The following KANSL1 variants were observed in gnomAD, a reference collection of about 807,000 sequenced individuals.
The protein encoded by KANSL1 is MLL1/MLL complex subunit KANSL1.
Under a neutral mutation model 103.6 loss-of-function variants are expected in KANSL1, and 22 were observed. That is an observed-to-expected ratio of 0.21 (90% CI 0.15 to 0.30). KANSL1 has a LOEUF of 0.30. KANSL1 is among the 10% of genes least tolerant of loss of function. The pLI is 1.00. For missense variants in KANSL1, 1,337 were observed against 1,399.8 expected, an observed-to-expected ratio of 0.96 and a Z score of 0.72; for synonymous variants, 600 against 527.6, an observed-to-expected ratio of 1.14 and a Z score of -1.88.
At chr17:46,048,594 A>AC (rs979937157) in intron 7 of KANSL1, among the ~76,000 whole-genome samples, 1 of 151,760 alleles carries the variant, frequency 6.6e-6, no homozygotes, top group African/African-American at 2.4e-5. Context: ...AAAAACAAAA[A>AC]CCCACCAGTG....
chr17:46,161,921 G>A (rs1207616339), intron 2 of KANSL1, among the ~76,000 whole-genome samples: 3 of 152,214 alleles, frequency 2.0e-5, no homozygotes, highest in Admixed American at 2.0e-4. Context: ...TGCTTGCAGA[G>A]CAGACCCTAC....
chr17:46,170,605 A>G (rs2046233447), intron 2 of KANSL1: 1 of 499,030 alleles, frequency 2.0e-6, no homozygotes, highest in Non-Finnish European at 3.5e-6. Context: ...GATGTCTCCT[A>G]GTTATTTTTC....
At chr17:46,218,709 G>A (rs1272039682) in intron 1 of KANSL1, among the ~76,000 whole-genome samples, 1 of 151,950 alleles carries the variant, frequency 6.6e-6, no homozygotes, top group Non-Finnish European at 1.5e-5. Flanking sequence ...CTTGAACTCA[G>A]GAGACACAGG....
rs1343352402 is a variant in KANSL1, at chr17:46,171,882, T to C, written c.262A>G (p.Thr88Ala). The C allele has an allele frequency of 6.2e-7, 1 of 1,614,156 alleles. No homozygotes were observed. Among genetic ancestry groups the C allele is most frequent in the East Asian group, 2.2e-5 (1 of 44,906 alleles). ...AAAGACTCCTTTGAGGGAACAGATGTTACATCAGAGCAGAGATAAGATGCC... is the reference window on the plus strand; with the variant it reads ...AAAGACTCCTTTGAGGGAACAGATGCTACATCAGAGCAGAGATAAGATGCC... ...LVASYLCSDVTSVPSKESLKL... is the reference protein window; with the variant it reads ...LVASYLCSDVASVPSKESLKL... Residue 88 changes from threonine to alanine, a missense_variant, in exon 2 of 15, where the codon ACA becomes GCA. Thr to Ala is a moderately conservative substitution (Grantham distance 58, BLOSUM62 0). Around this residue, in one of 2 missense-constraint regions of KANSL1, gnomAD observed 557 missense variants for 476.4 expected, o/e 1.17. Transcript: ENST00000432791.
intron 2 of KANSL1, among the ~76,000 whole-genome samples, chr17:46,119,379 T>C (rs2043184312): frequency 6.6e-6 from 1 of 151,902 alleles, no homozygotes; most frequent in African/African-American, 2.4e-5. Flanking sequence ...GCAATCTTGG[T>C]TCACTGCAAC....
intron 1 of KANSL1, among the ~76,000 whole-genome samples, chr17:46,182,665 G>A (rs2046846172): frequency 6.6e-6 from 1 of 152,234 alleles, no homozygotes; most frequent in Non-Finnish European, 1.5e-5. Context: ...ACTATGCTAA[G>A]TATCTTACAT....
intron 2 of KANSL1, among the ~76,000 whole-genome samples, chr17:46,157,550 C>T (rs970408885): frequency 7.9e-5 from 12 of 152,236 alleles, no homozygotes; most frequent in African/African-American, 2.7e-4. Context: ...TTCAAAGTCA[C>T]CTCACATTTC....
chr17:46,059,647 A>AAAAAAAGAGAGAGAG (rs541946204), intron 6 of KANSL1, among the ~76,000 whole-genome samples: 4 of 54,870 alleles, frequency 7.3e-5, no homozygotes, highest in East Asian at 7.0e-4. Flanking sequence ...AAAAAAAAAA[A>AAAAAAAGAGAGAGAG]AGAGAGAGAG....
intron 2 of KANSL1, among the ~76,000 whole-genome samples, chr17:46,156,468 C>G (rs1326823845): frequency 6.6e-6 from 1 of 152,254 alleles, no homozygotes; most frequent in Non-Finnish European, 1.5e-5. Context: ...CTTCTCAGGT[C>G]TTCCTATCAC....
At chr17:46,143,107 C>A (rs2044507627) in intron 2 of KANSL1, among the ~76,000 whole-genome samples, 1 of 152,212 alleles carries the variant, frequency 6.6e-6, no homozygotes, top group South Asian at 2.1e-4. Flanking sequence ...CTAAAATATA[C>A]TCAAACTAAG....
chr17:46,074,828 G>A (rs2078702469), intron 4 of KANSL1, among the ~76,000 whole-genome samples: 1 of 151,078 alleles, frequency 6.6e-6, no homozygotes, highest in Non-Finnish European at 1.5e-5. Context: ...TATTACAAAG[G>A]GAAAAATGCT....
intron 2 of KANSL1, among the ~76,000 whole-genome samples, chr17:46,151,186 C>T (rs898134786): frequency 2.0e-5 from 3 of 152,346 alleles, no homozygotes; most frequent in East Asian, 1.9e-4. Context: ...ATTAAAACAA[C>T]GATGCTTACA....
At position 46,190,195 on chromosome 17, in the gene KANSL1, G is replaced by A. The variant is rs1214976382; in HGVS notation, c.-90+2628C>T. ...CTAGAGATGGAAGAGTAGCCTTAGT[G>A]ACAGTGAAGAAAAAAGTTTAGTATA... On this transcript the variant is annotated intron_variant, in intron 1 of 14. Coordinates refer to ENST00000432791, the MANE Select transcript of KANSL1 (RefSeq NM_015443.4). 7.9e-5 allele frequency among the ~76,000 whole-genome samples: 12 copies of A among 152,348 alleles called. No homozygotes were observed. In the South Asian group the frequency reaches 1.0e-3, roughly 13 times the overall value.
At chr17:46,178,418 A>G (rs55698821) in intron 1 of KANSL1, among the ~76,000 whole-genome samples, 17,172 of 150,218 alleles carry the variant, frequency 0.11, 1 homozygote, top group Non-Finnish European at 0.17. Flanking sequence ...GGTGGGGATA[A>G]AGTCAGACTG....
intron 7 of KANSL1, chr17:46,042,517 A>C (rs1287914786): frequency 1.3e-5 from 2 of 152,202 alleles, no homozygotes; most frequent in African/African-American, 4.8e-5. Context: ...AAGATTATAC[A>C]ACCCTAAAGC....
chr17:46,114,538 C>T (rs1173432661), intron 2 of KANSL1, among the ~76,000 whole-genome samples: 7 of 152,196 alleles, frequency 4.6e-5, no homozygotes, highest in Non-Finnish European at 8.8e-5. Context: ...AGGACTTCTA[C>T]ATTGCTGATA....
chr17:46,150,886 AT>A (rs2147486141), intron 2 of KANSL1, among the ~76,000 whole-genome samples: 1 of 151,548 alleles, frequency 6.6e-6, no homozygotes, highest in South Asian at 2.1e-4. Context: ...ATAAACAGAA[AT>A]TTAAGAACAG....
intron 1 of KANSL1, among the ~76,000 whole-genome samples, chr17:46,211,571 A>C (rs2048171740): frequency 6.6e-6 from 1 of 152,242 alleles, no homozygotes; most frequent in Admixed American, 6.5e-5. Context: ...TTATAACTAA[A>C]ATGCAGTTCT....
intron 2 of KANSL1, among the ~76,000 whole-genome samples, chr17:46,135,695 CTTTTTTTTTTTT>C (rs35094789): frequency 2.4e-5 from 2 of 84,430 alleles, no homozygotes; most frequent in African/African-American, 5.8e-5. Context: ...CCATGCCTGG[CTTTTTTTTTTTT>C]TTTTTTTTTT....
Sources: allele counts gnomAD v4.1 joint callset (sites outside exome capture counted in the v4.1 genomes callset), GRCh38; gene constraint gnomAD v4.1.1; regional missense constraint gnomAD v4.1.1; transcripts MANE v1.5; gene names NCBI Gene and HGNC (gene_info 2026-07-23, HGNC 2026-07-21).